RASEF: variants seen among roughly 807,000 people sequenced by gnomAD.
RASEF encodes the protein ras and EF-hand domain-containing protein.
RASEF carries 68 observed loss-of-function variants against 90.1 expected under a neutral mutation model. That is an observed-to-expected ratio of 0.75 (90% CI 0.62 to 0.92). The LOEUF (loss-of-function observed/expected upper bound fraction) is 0.92, where lower values mean the gene tolerates loss of function less well. Among genes scored for constraint, RASEF ranks in the 40% least tolerant of loss-of-function variants. The pLI, the probability that RASEF is intolerant of heterozygous loss-of-function variation, is 0.00. For missense variants in RASEF, 949 were observed against 937.2 expected (o/e 1.01, Z -0.16); for synonymous variants, 331 against 345.2 (o/e 0.96, Z 0.46).
the RASEF span, among the ~76,000 whole-genome samples, chr9:83,150,406 G>A: frequency 6.6e-6 from 1 of 152,034 alleles, no homozygotes; most frequent in South Asian, 2.1e-4. Context: ...ATGGGCCCAC[G>A]AAGACTCATC....
the RASEF span, among the ~76,000 whole-genome samples, chr9:83,200,746 G>A: frequency 3.3e-5 from 5 of 152,166 alleles, no homozygotes; most frequent in Admixed American, 3.3e-4. Flanking sequence ...GCTCATAGCA[G>A]GGCCTCAGTG....
At chr9:83,121,370 GT>G in the RASEF span, among the ~76,000 whole-genome samples, 1 of 152,056 alleles carries the variant, frequency 6.6e-6, no homozygotes, top group African/African-American at 2.4e-5. Context: ...TTAGGTATAT[GT>G]TTAGTTGGCT....
rs1211422279 is a variant in RASEF, at chr9:83,057,857, A to G, written c.431+4580T>C. On this transcript the variant is annotated intron_variant, in intron 1 of 16. Transcript: ENST00000376447. ...TATATTCATATATACATATATATAT[A>G]TATATATATATATATTCGTCTTTAA... Among the ~76,000 whole-genome samples, 8 of 145,218 alleles carry G rather than the reference A, an allele frequency of 5.5e-5. No individual in the cohort carries two copies. In the East Asian group the frequency reaches 1.6e-3, roughly 28 times the overall value.
At chr9:83,009,858 T>C in intron 5 of RASEF, 102 bp from the exon 6 acceptor site, 1 of 600,630 alleles carries the variant, frequency 1.7e-6, no homozygotes, top group Non-Finnish European at 3.0e-6. Flanking sequence ...CTCTCACCCT[T>C]CCACAACTCT....
intron 13 of RASEF, 60 bp downstream of exon 13, chr9:82,998,305 G>T: frequency 1.1e-6 from 1 of 925,626 alleles, no homozygotes; most frequent in Non-Finnish European, 1.7e-6. Context: ...ACATCAAGTG[G>T]CCTGCAAGGC....
Position 83,062,987 on chromosome 9 carries a change from G to T in RASEF, c.-120C>A. The T allele has an allele frequency of 1.8e-6, 2 of 1,132,422 alleles. No individual in the cohort carries two copies. The highest frequency in any genetic ancestry group is 2.0e-5 in the South Asian group (1 of 49,966). The allele number at this position is 1,132,422 out of a possible 1,614,324, so 70.1% of individuals were successfully genotyped here. A position where few individuals can be genotyped will look rare whatever the true frequency, so the allele number is the denominator to read the frequency against. On this transcript the variant is annotated 5_prime_UTR_variant, in exon 1 of 17. Coordinates refer to ENST00000376447, the MANE Select transcript of RASEF (RefSeq NM_152573.4). Reference sequence around the variant, plus strand: ...CCGGCGAGTTTGGCTCGTCCGGCTGGTTCGGCCACTTGAGGGAACGTCGGG... The same window carrying T: ...CCGGCGAGTTTGGCTCGTCCGGCTGTTTCGGCCACTTGAGGGAACGTCGGG...
chr9:83,065,964 T>C (rs926900493), upstream of RASEF, among the ~76,000 whole-genome samples: 10 of 152,152 alleles, frequency 6.6e-5, no homozygotes, highest in African/African-American at 2.4e-4. Context: ...CAAAGAATTA[T>C]CTGGCCAAAA....
chr9:83,089,941 G>GATAGATAC, the RASEF span, among the ~76,000 whole-genome samples: 420 of 137,234 alleles, frequency 3.1e-3, 3 homozygotes, highest in Non-Finnish European at 4.3e-3. Context: ...TAGATAGATA[G>GATAGATAC]ATAGATATAG....
At chr9:83,134,164 C>CG in the RASEF span, among the ~76,000 whole-genome samples, 1 of 152,114 alleles carries the variant, frequency 6.6e-6, no homozygotes, top group Non-Finnish European at 1.5e-5. Flanking sequence ...TACATCCAGA[C>CG]TTTCTGATCC....
At chr9:83,110,629 A>T in the RASEF span, among the ~76,000 whole-genome samples, 1 of 152,150 alleles carries the variant, frequency 6.6e-6, no homozygotes, top group African/African-American at 2.4e-5. Context: ...AGATAGAGCC[A>T]AGGCCTTAAA....
At chr9:83,099,019 G>A in the RASEF span, among the ~76,000 whole-genome samples, 1 of 152,094 alleles carries the variant, frequency 6.6e-6, no homozygotes, top group South Asian at 2.1e-4. Context: ...TATTGTAGAT[G>A]TACACACCCA....
At chr9:83,165,789 A>C in the RASEF span, among the ~76,000 whole-genome samples, 2 of 152,180 alleles carry the variant, frequency 1.3e-5, no homozygotes, top group Non-Finnish European at 2.9e-5. Flanking sequence ...GATGACACAC[A>C]ATACTAATAT....
the RASEF span, among the ~76,000 whole-genome samples, chr9:83,146,174 G>T: frequency 6.6e-6 from 1 of 151,406 alleles, no homozygotes; most frequent in Non-Finnish European, 1.5e-5. Context: ...TTTGTTTTTC[G>T]TAAGATGTCT....
intron 13 of RASEF, 114 bp from the exon 14 acceptor site, chr9:82,997,240 C>G: frequency 2.9e-6 from 2 of 688,838 alleles, no homozygotes; most frequent in Admixed American, 4.2e-5. Flanking sequence ...AAGACTCTAA[C>G]TGCAATATAT....
chr9:83,007,434 T>G lies in RASEF; in HGVS notation c.1028+3A>C. 6.2e-7 allele frequency: 1 copy of G among 1,602,230 alleles called. No individual in the cohort carries two copies. Among genetic ancestry groups the G allele is most frequent in the Non-Finnish European group, 8.6e-7 (1 of 1,169,124 alleles). On this transcript the variant is annotated splice_donor_region_variant and intron_variant, in intron 7 of 16. Transcript: ENST00000376447. ...GTAATGAGCATTTGATCTGCGGACT[T>G]ACTGGAGTATTTCAATTTGCCTCTC...
At chr9:83,198,508 G>A in the RASEF span, among the ~76,000 whole-genome samples, 3 of 152,226 alleles carry the variant, frequency 2.0e-5, no homozygotes, top group South Asian at 2.1e-4. Context: ...CCCAGGGAGC[G>A]GCCCCATTTT....
chr9:83,127,948 T>A, the RASEF span, among the ~76,000 whole-genome samples: 1 of 152,160 alleles, frequency 6.6e-6, no homozygotes, highest in South Asian at 2.1e-4. Context: ...GTTCCTATTC[T>A]TTGATCTAAA....
chr9:83,047,729 A>G (rs1829958698), intron 1 of RASEF, among the ~76,000 whole-genome samples: 1 of 152,216 alleles, frequency 6.6e-6, no homozygotes, highest in Admixed American at 6.5e-5. Flanking sequence ...AGCAAACAAG[A>G]AAGTAAAGAT....
chr9:83,003,766 T>C (rs935399647), intron 9 of RASEF, among the ~76,000 whole-genome samples: 1 of 152,218 alleles, frequency 6.6e-6, no homozygotes, highest in Non-Finnish European at 1.5e-5. Context: ...GAAAAGGGGA[T>C]GAACGTGAAT....
Sources: allele counts gnomAD v4.1 joint callset (sites outside exome capture counted in the v4.1 genomes callset), GRCh38; gene constraint gnomAD v4.1.1; transcripts MANE v1.5; gene names NCBI Gene and HGNC (gene_info 2026-07-23, HGNC 2026-07-21).